CP: variants seen among roughly 807,000 people sequenced by gnomAD.
CP encodes the protein ceruloplasmin, also known as caeruloplasmin.
CP carries 64 observed loss-of-function variants against 122.4 expected under a neutral mutation model. That is an observed-to-expected ratio of 0.52 (90% CI 0.43 to 0.64). The LOEUF (loss-of-function observed/expected upper bound fraction) is 0.64. CP is among the 30% of genes least tolerant of loss of function. The probability of loss-of-function intolerance (pLI) is 0.00; values close to 1 mark genes in which losing one functional copy is unlikely to be tolerated. For missense variants in CP, 1,167 were observed against 1,284.4 expected (o/e 0.91, Z 1.40); for synonymous variants, 440 against 436.4 (o/e 1.01, Z -0.10).
intron 12 of CP, among the ~76,000 whole-genome samples, chr3:149,184,026 TTC>T (rs201494746): frequency 0.069 from 7,942 of 115,368 alleles, 1,022 homozygotes; most frequent in Non-Finnish European, 0.1. Context: ...TTTCACTTAC[TTC>T]TTTTTTTTTT....
Position 149,177,892 on chromosome 3 carries a change from T to C in CP, c.2966A>G (p.Asn989Ser). The C allele has an allele frequency of 6.2e-7, 1 of 1,613,828 alleles. No homozygotes were observed. The highest frequency in any genetic ancestry group is 8.5e-7 in the Non-Finnish European group (1 of 1,179,720). The change falls in exon 17 of 19, where the codon AAT becomes AGT. Residue 989 changes from asparagine (N) to serine (S), a missense_variant. Coordinates refer to ENST00000264613, the MANE Select transcript of CP (RefSeq NM_000096.4). Reference sequence around the variant, plus strand: ...ATGTACAGTGTGTAAGTCTATTTCATTGCCCATTCCCATCAGATACCAGTT... The same window carrying C: ...ATGTACAGTGTGTAAGTCTATTTCACTGCCCATTCCCATCAGATACCAGTT... Reference protein sequence around the residue: ...EVNWYLMGMGNEIDLHTVHFH... With the variant: ...EVNWYLMGMGSEIDLHTVHFH...
chr3:149,219,897 C>G (rs897453195), intron 1 of CP, among the ~76,000 whole-genome samples: 4 of 151,922 alleles, frequency 2.6e-5, no homozygotes, highest in Admixed American at 2.6e-4. Flanking sequence ...GTAAGACATG[C>G]CTTTGCTCCT....
At chr3:149,198,018 G>A (rs922758671) in intron 9 of CP, among the ~76,000 whole-genome samples, 8 of 152,148 alleles carry the variant, frequency 5.3e-5, no homozygotes, top group Admixed American at 3.3e-4. Flanking sequence ...ATTTCTACAG[G>A]ACCAATGACT....
downstream of CP, chr3:149,172,115 G>T: frequency 6.2e-7 from 1 of 1,613,080 alleles, no homozygotes; most frequent in South Asian, 1.1e-5. Flanking sequence ...AATTGTTGCT[G>T]TGGAACTAGA....
intron 2 of CP, among the ~76,000 whole-genome samples, chr3:149,210,626 T>C (rs190450576): frequency 4.6e-5 from 7 of 152,262 alleles, no homozygotes; most frequent in African/African-American, 1.4e-4. Context: ...TGACTTTTTG[T>C]TTGCAATGTA....
At chr3:149,182,700 T>C (rs1379215964) in intron 13 of CP, among the ~76,000 whole-genome samples, 1 of 152,252 alleles carries the variant, frequency 6.6e-6, no homozygotes, top group Non-Finnish European at 1.5e-5. Flanking sequence ...GCTTTGCCCC[T>C]GCTTTGTGCG....
chr3:149,221,585 G>A, intron 1 of CP, 62 bp downstream of exon 1: 4 of 1,478,726 alleles, frequency 2.7e-6, no homozygotes, highest in Non-Finnish European at 2.8e-6. Context: ...TCATCTTATT[G>A]GCTCTATCCT....
rs1323534335 is a variant in CP, at chr3:149,183,457, T to C, written c.2425+9A>G. On this transcript the variant is annotated intron_variant, in intron 13 of 18. Coordinates refer to ENST00000264613, the MANE Select transcript of CP (RefSeq NM_000096.4). ...ACCCACACCTGATAAACTGGAGATATTAACATACCTAGAATTCCCAGATGT... is the reference window on the plus strand; with the variant it reads ...ACCCACACCTGATAAACTGGAGATACTAACATACCTAGAATTCCCAGATGT... 7.4e-6 allele frequency: 12 copies of C among 1,610,864 alleles called. No homozygotes were observed. Among genetic ancestry groups the C allele is most frequent in the Middle Eastern group, 2.2e-4 (1 of 4,458 alleles).
intron 5 of CP, among the ~76,000 whole-genome samples, chr3:149,165,194 G>A (rs976679522): frequency 6.6e-6 from 1 of 152,176 alleles, no homozygotes; most frequent in African/African-American, 2.4e-5. Context: ...TGCTGTAGAT[G>A]TATGGGGAGC....
At chr3:149,176,463 C>T (rs761811758) in intron 17 of CP, 51 bp from the exon 18 acceptor site, 2 of 1,386,810 alleles carry the variant, frequency 1.4e-6, no homozygotes, top group African/African-American at 1.4e-5. Flanking sequence ...TGAGAGTTCA[C>T]TCATGTCATT....
chr3:149,196,870 A>G (rs1448642852), intron 9 of CP, among the ~76,000 whole-genome samples: 5 of 152,236 alleles, frequency 3.3e-5, no homozygotes, highest in Non-Finnish European at 4.4e-5. Flanking sequence ...GTATACGCCC[A>G]GATGGCCTGA....
rs1305777383 is a variant in CP at position 149,177,922 on chromosome 3, T to G, written c.2936A>C (p.Glu979Ala). 2 of 1,613,646 alleles carry G rather than the reference T, an allele frequency of 1.2e-6. No homozygotes were observed. The highest frequency in any genetic ancestry group is 1.7e-6 in the Non-Finnish European group (2 of 1,179,548). Residue 979 changes from glutamate to alanine, a missense_variant, in exon 17 of 19, where the codon GAA becomes GCA. Physicochemically the swap from Glu to Ala is moderately radical, Grantham distance 107 (BLOSUM62 -1). This residue lies in a region of CP where 525 missense variants were observed against 657.2 expected (regional missense o/e 0.80). Transcript: ENST00000264613. ...CATTCCCATCAGATACCAGTTGACTTCATCTCCCACGTGCATTGTGAGGCC... is the reference window on the plus strand; with the variant it reads ...CATTCCCATCAGATACCAGTTGACTGCATCTCCCACGTGCATTGTGAGGCC... Reference protein sequence around the residue: ...LQGLTMHVGDEVNWYLMGMGN... With the variant: ...LQGLTMHVGDAVNWYLMGMGN...
At chr3:149,172,170 C>T (rs1417222671), downstream of CP, 1 of 1,613,338 alleles carries the variant, frequency 6.2e-7, no homozygotes, top group Admixed American at 1.7e-5. Flanking sequence ...GGTACTGCAA[C>T]ATTTTTCTTG....
chr3:149,165,787 A>G (rs1724354441), intron 5 of CP, among the ~76,000 whole-genome samples: 1 of 152,144 alleles, frequency 6.6e-6, no homozygotes, highest in Admixed American at 6.5e-5. Context: ...CATTATCTGG[A>G]TTAGTCAAGA....
intron 5 of CP, chr3:149,163,850 C>CT: frequency 6.6e-7 from 1 of 1,524,014 alleles, no homozygotes; most frequent in South Asian, 1.1e-5. Flanking sequence ...AGATAAATGC[C>CT]TGTAGTCATT....
chr3:149,181,860 C>T, intron 14 of CP, 145 bp downstream of exon 14: 1 of 907,052 alleles, frequency 1.1e-6, no homozygotes, highest in Non-Finnish European at 1.8e-6. Context: ...TACTTGCATA[C>T]ACACAGACAC....
At chr3:149,199,690 T>C in intron 8 of CP, 22 bp downstream of exon 8, 3 of 1,613,692 alleles carry the variant, frequency 1.9e-6, no homozygotes, top group Non-Finnish European at 2.5e-6. Context: ...TGTTGATTTG[T>C]TACACAGTGC....
At position 149,209,278 on chromosome 3, in the gene CP, G is replaced by A. The variant is rs1477868354; in HGVS notation, c.714C>T (p.Thr238=). The change falls in exon 4 of 19, where the codon ACC becomes ACT. Residue 238 remains threonine, a synonymous_variant. Transcript: ENST00000264613. ...CAACTTTCTCTGGTTCTGAGCAGTA[G>A]GTTTTAATGTTGTCTTCTAGGTACC... ...FSWYLEDNIK[T]YCSEPEKVDK... is the part of the protein sequence containing the mutation. 6.2e-7 allele frequency: 1 copy of A among 1,613,686 alleles called. No homozygotes were observed. The highest frequency in any genetic ancestry group is 8.5e-7 in the Non-Finnish European group (1 of 1,179,764).
Position 149,178,218 on chromosome 3 carries a change from G to A in CP, c.2878+197C>T, listed in dbSNP as rs34504513. On this transcript the variant is annotated intron_variant, in intron 16 of 18. Transcript: ENST00000264613. ...ATTATTTCAAAGGAAATGAGATTTT[G>A]GAATTGGAAAATAAATTAGCAAATG... 0.023 allele frequency among the ~76,000 whole-genome samples: 3,469 copies of A among 152,212 alleles called. 89 individuals carry two copies. The highest frequency in any genetic ancestry group is 0.064 in the African/African-American group (2,677 of 41,528).
Sources: gnomAD v4.1 joint callset for allele counts (sites outside exome capture counted in the v4.1 genomes callset) on GRCh38, gnomAD v4.1.1 for gene constraint, gnomAD v4.1.1 regional missense constraint, MANE v1.5 for transcripts, NCBI Gene and HGNC (gene_info 2026-07-23, HGNC 2026-07-21) for gene names.